The following TREH variants were observed in gnomAD, a reference collection of about 807,000 sequenced individuals.
TREH encodes trehalase, also known as alpha,alpha-trehalose glucohydrolase.
A neutral mutation model predicts 80.5 loss-of-function variants in TREH; 69 were observed. The ratio of observed to expected loss-of-function variants is 0.86; its 90% CI spans 0.71 to 1.05. The LOEUF is 1.05. TREH is among the 50% of genes least tolerant of loss of function. TREH has a pLI of 0.00. For synonymous variants in TREH, 309 were observed against 293.5 expected, an observed-to-expected ratio of 1.05 and a Z score of -0.54; for missense variants, 716 against 718.8, an observed-to-expected ratio of 1.00 and a Z score of 0.04.
rs1555144755 is a variant in TREH at position 118,660,718 on chromosome 11, A to G, written c.923T>C (p.Leu308Pro). ...DTLPEGDREA[L>P]WAELKAGAES... Reference sequence around the variant, plus strand: ...AGCCCCAGCCTTGAGCTCAGCCCACAGAGCCTCCCGGTCTCCTGTGAGGAC... The same window carrying G: ...AGCCCCAGCCTTGAGCTCAGCCCACGGAGCCTCCCGGTCTCCTGTGAGGAC... Residue 308 changes from leucine (L) to proline (P), a missense_variant, in exon 10 of 15, where the codon CTG becomes CCG. By Grantham distance (98) the Leu-to-Pro change is moderately conservative (BLOSUM62 -3). Transcript: ENST00000264029. 2 of 1,587,424 alleles carry G rather than the reference A, an allele frequency of 1.3e-6. No individual in the cohort carries two copies. Among genetic ancestry groups the G allele is most frequent in the South Asian group, 1.1e-5 (1 of 87,324 alleles).
At chr11:118,669,461 T>C (rs1366392567) in intron 1 of TREH, among the ~76,000 whole-genome samples, 2 of 152,196 alleles carry the variant, frequency 1.3e-5, no homozygotes, top group African/African-American at 4.8e-5. Flanking sequence ...CATCGACTGA[T>C]GAATGGATAA....
chr11:118,663,075 C>A lies in TREH; in HGVS notation c.312G>T (p.Trp104Cys). ...ACCTGTCTTTCCAGTCTGCAGGGGT[C>A]CAGGGCTGCAGCTCCTGCCCCTTGG... ...FQAKGQELQP[W>C]TPADWKDSPQ... is the part of the protein sequence containing the mutation. The change falls in exon 3 of 15, where the codon TGG becomes TGT. Residue 104 changes from tryptophan to cysteine, a missense_variant. Physicochemically the swap from Trp to Cys is radical, Grantham distance 215 (BLOSUM62 -2). Transcript: ENST00000264029. The A allele has an allele frequency of 6.2e-7, 1 of 1,613,926 alleles. No individual in the cohort carries two copies.
intron 1 of TREH, among the ~76,000 whole-genome samples, chr11:118,663,732 C>CA (rs1949351164): frequency 6.6e-6 from 1 of 152,108 alleles, no homozygotes; most frequent in South Asian, 2.1e-4. Context: ...GGGAGGTTAG[C>CA]ACTTTAATCA....
chr11:118,672,766 G>A (rs528356095), intron 1 of TREH, among the ~76,000 whole-genome samples: 1 of 150,672 alleles, frequency 6.6e-6, no homozygotes, highest in African/African-American at 2.4e-5. Context: ...AAACTCACTG[G>A]TAATAGTAAG....
intron 4 of TREH, 97 bp downstream of exon 4, chr11:118,662,784 A>C (rs782419991): frequency 4.3e-6 from 6 of 1,407,178 alleles, no homozygotes; most frequent in Non-Finnish European, 5.9e-6. Context: ...TCAGGAAAGG[A>C]AACCTGATCT....
At chr11:118,676,432 C>T (rs1399867286) in intron 1 of TREH, among the ~76,000 whole-genome samples, 1 of 152,104 alleles carries the variant, frequency 6.6e-6, no homozygotes, top group Non-Finnish European at 1.5e-5. Flanking sequence ...CATGACTGCA[C>T]CACTGCACTC....
Position 118,679,532 on chromosome 11 carries a change from C to A in TREH, c.89+7G>T, listed in dbSNP as rs782130913. The A allele has an allele frequency of 1.0e-5, 15 of 1,494,274 alleles. 1 individual carries two copies. The South Asian group carries it at 2.0e-4, about 20-fold the overall frequency. 92.6% of individuals were successfully genotyped at this position (1,494,274 alleles called of 1,614,324 possible). A position where few individuals can be genotyped will look rare whatever the true frequency, so the allele number is the denominator to read the frequency against. ...ATCCTCCCCTGCTGCCTTCCCCACA[C>A]CCCTACCTCTCACAGGGTGGGGGTA... On this transcript the variant is annotated splice_region_variant and intron_variant, in intron 1 of 14. Transcript: ENST00000264029.
chr11:118,669,509 A>C (rs555556145), intron 1 of TREH, among the ~76,000 whole-genome samples: 1 of 152,354 alleles, frequency 6.6e-6, no homozygotes, highest in Non-Finnish European at 1.5e-5. Flanking sequence ...AGTACTATTC[A>C]GCCATAAAAA....
chr11:118,679,463 G>A (rs981704604), intron 1 of TREH, 76 bp downstream of exon 1: 7 of 1,358,618 alleles, frequency 5.2e-6, no homozygotes, highest in Non-Finnish European at 5.8e-6. Flanking sequence ...CTGAAGTACC[G>A]ACCCCAGAGC....
At chr11:118,675,045 C>T (rs899827791) in intron 1 of TREH, among the ~76,000 whole-genome samples, 5 of 148,270 alleles carry the variant, frequency 3.4e-5, no homozygotes, top group Admixed American at 2.1e-4. Flanking sequence ...ATACATTTCC[C>T]TATGCACATG....
At chr11:118,677,439 A>G (rs2137291308) in intron 1 of TREH, among the ~76,000 whole-genome samples, 5 of 152,334 alleles carry the variant, frequency 3.3e-5, no homozygotes, top group Middle Eastern at 6.8e-3. Flanking sequence ...AGAAACCATA[A>G]TCAAGGCTGG....
At chr11:118,679,466 C>A (rs926387580) in intron 1 of TREH, 73 bp downstream of exon 1, 14 of 1,396,908 alleles carry the variant, frequency 1.0e-5, no homozygotes, top group Middle Eastern at 1.9e-4. Context: ...AAGTACCGAC[C>A]CCAGAGCTTG....
intron 1 of TREH, 44 bp from the exon 2 acceptor site, chr11:118,663,483 C>T: frequency 1.4e-6 from 2 of 1,450,782 alleles, no homozygotes; most frequent in Non-Finnish European, 1.9e-6. Context: ...CCACCACCAC[C>T]CCATTAGGAC....
chr11:118,658,595 G>A, intron 14 of TREH, 85 bp downstream of exon 14: 1 of 1,532,796 alleles, frequency 6.5e-7, no homozygotes, highest in South Asian at 1.2e-5. Flanking sequence ...ATGCAGGTGA[G>A]CACACTGAGG....
chr11:118,677,918 ACCTATTAATTAT>A (rs2137291978), intron 1 of TREH, among the ~76,000 whole-genome samples: 1 of 152,210 alleles, frequency 6.6e-6, no homozygotes, highest in Non-Finnish European at 1.5e-5. Context: ...TCAGGACAAA[ACCTATTAATTAT>A]CCCAGGTACA....
chr11:118,675,870 T>G (rs1480157684), intron 1 of TREH, among the ~76,000 whole-genome samples: 1 of 152,108 alleles, frequency 6.6e-6, no homozygotes, highest in Non-Finnish European at 1.5e-5. Context: ...CCCTGCTAAT[T>G]TTTGGCATTT....
chr11:118,665,947 TC>T (rs1949373362), intron 1 of TREH, among the ~76,000 whole-genome samples: 1 of 151,770 alleles, frequency 6.6e-6, no homozygotes, highest in Admixed American at 6.6e-5. Flanking sequence ...TTGGTAAAAA[TC>T]AATGATAGGC....
Position 118,671,924 on chromosome 11 carries a change from G to GA in TREH, c.89+7614dup, listed in dbSNP as rs1405899378. Among the ~76,000 whole-genome samples the GA allele has an allele frequency of 3.8e-4, 58 of 150,812 alleles. 1 individual carries two copies. The East Asian group carries it at 8.0e-3, about 21-fold the overall frequency. On this transcript the variant is annotated intron_variant, in intron 1 of 14. Coordinates refer to ENST00000264029, the MANE Select transcript of TREH (RefSeq NM_007180.3). Reference sequence around the variant, plus strand: ...GCTTAACATATTTAAAGTGCTGAAGGAAAAAAAAACTTTTACCCTTGAATA... The same window carrying GA: ...GCTTAACATATTTAAAGTGCTGAAGGAAAAAAAAAACTTTTACCCTTGAATA...
intron 2 of TREH, 50 bp from the exon 3 acceptor site, chr11:118,663,246 C>G: frequency 6.4e-7 from 1 of 1,571,136 alleles, no homozygotes; most frequent in Non-Finnish European, 8.6e-7. Flanking sequence ...CAAGCCACTC[C>G]CTAATCACAG....
Sources: gnomAD v4.1 joint callset for allele counts (sites outside exome capture counted in the v4.1 genomes callset) on GRCh38, gnomAD v4.1.1 for gene constraint, MANE v1.5 for transcripts, NCBI Gene and HGNC (gene_info 2026-07-23, HGNC 2026-07-21) for gene names.